MAPKAP1: variants seen among roughly 807,000 people sequenced by gnomAD.
The protein encoded by MAPKAP1 is target of rapamycin complex 2 subunit MAPKAP1.
A neutral mutation model predicts 65.7 loss-of-function variants in MAPKAP1; 20 were observed. The ratio of observed to expected loss-of-function variants is 0.30; its 90% CI spans 0.21 to 0.44. MAPKAP1 has a LOEUF of 0.44. Ranked by LOEUF, MAPKAP1 falls within the 20% of genes least tolerant of loss-of-function variation. The probability of loss-of-function intolerance (pLI) is 1.00; values close to 1 mark genes in which losing one functional copy is unlikely to be tolerated. For synonymous variants in MAPKAP1, 222 were observed against 244.3 expected (o/e 0.91, Z 0.85); for missense variants, 423 against 648.0 (o/e 0.65, Z 3.77).
rs1852352875 is a variant in MAPKAP1, at chr9:125,437,932, CT to C, written c.*954del. ...GACACAGGTCTCCCTCCGCTCACCC[CT>C]CTCCCTGAAACGTGAGAAACAGCAG... On this transcript the variant is annotated 3_prime_UTR_variant, in exon 12 of 12. Transcript: ENST00000265960. 6.5e-6 allele frequency: 1 copy of C among 154,254 alleles called. No individual in the cohort carries two copies. Among genetic ancestry groups the C allele is most frequent in the African/African-American group, 2.4e-5 (1 of 41,582 alleles). 9.6% of individuals were successfully genotyped at this position (154,254 alleles called of 1,614,324 possible).
At chr9:125,565,186 A>T (rs909794243) in intron 5 of MAPKAP1, among the ~76,000 whole-genome samples, 3 of 152,230 alleles carry the variant, frequency 2.0e-5, no homozygotes, top group Non-Finnish European at 4.4e-5. Context: ...CCATTAAAAA[A>T]TTTATTTCAT....
At chr9:125,691,061 A>C (rs1265028440) in intron 1 of MAPKAP1, among the ~76,000 whole-genome samples, 3 of 152,188 alleles carry the variant, frequency 2.0e-5, no homozygotes, top group Non-Finnish European at 2.9e-5. Flanking sequence ...GGAGAATGAG[A>C]CCATCCTGGC....
chr9:125,684,249 C>T (rs911563693), intron 1 of MAPKAP1, among the ~76,000 whole-genome samples: 4 of 152,064 alleles, frequency 2.6e-5, no homozygotes, highest in Non-Finnish European at 4.4e-5. Flanking sequence ...AAATGGAAGC[C>T]GGTTTTTCTT....
At chr9:125,563,516 A>G (rs1830954558) in intron 5 of MAPKAP1, among the ~76,000 whole-genome samples, 1 of 152,186 alleles carries the variant, frequency 6.6e-6, no homozygotes, top group Non-Finnish European at 1.5e-5. Flanking sequence ...ATTTCTGTAT[A>G]TCACTAATCA....
intron 5 of MAPKAP1, among the ~76,000 whole-genome samples, chr9:125,576,824 A>G (rs1233551022): frequency 3.3e-5 from 5 of 152,032 alleles, no homozygotes; most frequent in African/African-American, 1.2e-4. Flanking sequence ...CTCAGTGCTC[A>G]ATGGTGCCCA....
intron 4 of MAPKAP1, among the ~76,000 whole-genome samples, chr9:125,629,158 G>A (rs1010219635): frequency 1.3e-5 from 2 of 152,042 alleles, no homozygotes; most frequent in African/African-American, 4.8e-5. Flanking sequence ...TGGTAGAAAT[G>A]TAAAATAATG....
At position 125,690,989 on chromosome 9, in the gene MAPKAP1, C is replaced by T. The variant is rs112655730; in HGVS notation, c.-70+15982G>A. Among the ~76,000 whole-genome samples, 624 of 152,318 alleles carry T rather than the reference C, an allele frequency of 4.1e-3. 6 individuals carry two copies. Among genetic ancestry groups the T allele is most frequent in the African/African-American group, 0.014 (598 of 41,572 alleles). ...GATAAAAACTGGTAGAGGCCGGGCG[C>T]AGTGGCTCACGCCTGTAATCCCAGC... is the stretch of plus-strand genomic sequence containing the variant. On this transcript the variant is annotated intron_variant, in intron 1 of 11. Coordinates refer to ENST00000265960, the MANE Select transcript of MAPKAP1 (RefSeq NM_001006617.3).
chr9:125,481,604 C>A (rs936610740), intron 9 of MAPKAP1, among the ~76,000 whole-genome samples: 47 of 151,604 alleles, frequency 3.1e-4, no homozygotes, highest in Non-Finnish European at 1.5e-5. Context: ...GTATTTTCTG[C>A]AGAGATGGAG....
intron 8 of MAPKAP1, among the ~76,000 whole-genome samples, chr9:125,493,992 T>C (rs1188481175): frequency 6.6e-6 from 1 of 152,132 alleles, no homozygotes; most frequent in African/African-American, 2.4e-5. Context: ...CATAACTCCA[T>C]GGGCTGTAAT....
intron 10 of MAPKAP1, among the ~76,000 whole-genome samples, chr9:125,466,855 C>T (rs924113540): frequency 2.0e-5 from 3 of 152,186 alleles, no homozygotes; most frequent in African/African-American, 7.2e-5. Flanking sequence ...AATTAAACAC[C>T]CACCCATAAA....
intron 9 of MAPKAP1, among the ~76,000 whole-genome samples, chr9:125,480,736 G>A (rs954234565): frequency 1.1e-4 from 17 of 151,888 alleles, no homozygotes; most frequent in Admixed American, 1.0e-3. Flanking sequence ...ACTTTGGGAG[G>A]CCAAGGCGGG....
At chr9:125,566,527 G>A (rs1050436388) in intron 5 of MAPKAP1, among the ~76,000 whole-genome samples, 1 of 152,058 alleles carries the variant, frequency 6.6e-6, no homozygotes, top group Admixed American at 6.5e-5. Flanking sequence ...TTGCACCCCT[G>A]CAGCAGCATG....
At chr9:125,571,962 A>G (rs1589298426) in intron 5 of MAPKAP1, among the ~76,000 whole-genome samples, 1 of 152,224 alleles carries the variant, frequency 6.6e-6, no homozygotes, top group Non-Finnish European at 1.5e-5. Flanking sequence ...TTACCAATTA[A>G]GTAAAGTATA....
chr9:125,497,707 C>T (rs1828848060), intron 8 of MAPKAP1, among the ~76,000 whole-genome samples: 2 of 152,258 alleles, frequency 1.3e-5, no homozygotes, highest in Admixed American at 1.3e-4. Flanking sequence ...ATTCTAATGA[C>T]TGTGCTTTAA....
intron 6 of MAPKAP1, among the ~76,000 whole-genome samples, chr9:125,544,151 C>CA (rs1830350276): frequency 6.6e-6 from 1 of 152,070 alleles, no homozygotes; most frequent in Non-Finnish European, 1.5e-5. Flanking sequence ...GCTGAGATTA[C>CA]AGGCGCCTGC....
At chr9:125,679,033 G>A (rs542494089) in intron 1 of MAPKAP1, among the ~76,000 whole-genome samples, 14 of 149,414 alleles carry the variant, frequency 9.4e-5, no homozygotes, top group East Asian at 3.9e-4. Flanking sequence ...ATGGAGTCTC[G>A]CACTGTCGTC....
At chr9:125,555,818 C>T (rs1830720320) in intron 6 of MAPKAP1, among the ~76,000 whole-genome samples, 1 of 152,216 alleles carries the variant, frequency 6.6e-6, no homozygotes, top group African/African-American at 2.4e-5. Context: ...TGTTTACCCA[C>T]TGCCCATGTT....
intron 6 of MAPKAP1, chr9:125,559,395 C>T (rs1830826932): frequency 1.2e-5 from 4 of 337,156 alleles, no homozygotes; most frequent in South Asian, 7.8e-5. Context: ...CTGGACATGC[C>T]GTTCAGAGAT....
intron 7 of MAPKAP1, among the ~76,000 whole-genome samples, chr9:125,512,626 G>C (rs1225797352): frequency 1.3e-5 from 2 of 152,022 alleles, no homozygotes; most frequent in Non-Finnish European, 2.9e-5. Flanking sequence ...CTGTCGCCCA[G>C]GTTGGAGTGC....
Sources: allele counts gnomAD v4.1 joint callset (sites outside exome capture counted in the v4.1 genomes callset), GRCh38; gene constraint gnomAD v4.1.1; transcripts MANE v1.5; gene names NCBI Gene and HGNC (gene_info 2026-07-23, HGNC 2026-07-21).